Variants in AGBL4 observed in about 807,000 individuals in gnomAD.
The protein encoded by AGBL4 is cytosolic carboxypeptidase 6.
A neutral mutation model predicts 66.4 loss-of-function variants in AGBL4; 58 were observed. That is an observed-to-expected ratio of 0.87 (90% confidence interval 0.71 to 1.09). The LOEUF (loss-of-function observed/expected upper bound fraction) is 1.09, where lower values mean the gene tolerates loss of function less well. AGBL4 is among the 50% of genes least tolerant of loss of function. The pLI is 0.00. For missense variants in AGBL4, 579 were observed against 631.0 expected (o/e 0.92, Z 0.88); for synonymous variants, 234 against 222.9 (o/e 1.05, Z -0.44).
At position 49,743,202 on chromosome 1, in the gene AGBL4, A is replaced by G. The variant is rs142662256; in HGVS notation, c.158-45765T>C. On this transcript the variant is annotated intron_variant, in intron 2 of 13. Transcript: ENST00000371839. The stretch of plus-strand genomic sequence containing the variant: ...ATCTACAATTAACTCAAACACATTT[A>G]CAAGAAAAAAACAAACAACCCCAAC... Among the ~76,000 whole-genome samples the G allele has an allele frequency of 9.4e-3, 1,433 of 152,344 alleles. 17 individuals carry two copies. Among genetic ancestry groups the G allele is most frequent in the African/African-American group, 0.032 (1,341 of 41,576 alleles).
intron 6 of AGBL4, among the ~76,000 whole-genome samples, chr1:48,852,015 C>CTTTTTTTTTTTTT (rs138826187): frequency 8.3e-5 from 6 of 71,934 alleles, no homozygotes; most frequent in African/African-American, 3.0e-4. Context: ...CAGATACGTA[C>CTTTTTTTTTTTTT]TTTTTTTTTT....
chr1:49,562,899 C>A (rs1460834151), intron 3 of AGBL4, among the ~76,000 whole-genome samples: 1 of 152,064 alleles, frequency 6.6e-6, no homozygotes, highest in Non-Finnish European at 1.5e-5. Context: ...TTACCTTGGG[C>A]AGTATGGCCA....
chr1:49,085,578 G>C (rs1160019691), intron 4 of AGBL4, among the ~76,000 whole-genome samples: 3 of 151,908 alleles, frequency 2.0e-5, no homozygotes, highest in African/African-American at 7.3e-5. Context: ...AAGGGCTAGT[G>C]AACATTGACT....
intron 3 of AGBL4, among the ~76,000 whole-genome samples, chr1:49,315,428 A>C (rs897393392): frequency 2.6e-5 from 4 of 152,220 alleles, no homozygotes; most frequent in African/African-American, 9.6e-5. Context: ...TCTGCACAGC[A>C]AAACAAACTA....
rs1645799894 is a variant in AGBL4, at chr1:49,432,038, AT to A, written c.283-186175del. ...TAAAGCATGACAAAATAATGAAGGA[AT>A]TTTTTATATGACCCATTTAGGATTA... On this transcript the variant is annotated intron_variant, in intron 3 of 13. Transcript: ENST00000371839. Among the ~76,000 whole-genome samples the A allele has an allele frequency of 2.0e-5, 3 of 152,214 alleles. No homozygotes were observed. In the South Asian group the frequency reaches 6.2e-4, roughly 32 times the overall value.
chr1:49,131,401 G>A (rs555105302), intron 4 of AGBL4, among the ~76,000 whole-genome samples: 9 of 152,018 alleles, frequency 5.9e-5, no homozygotes, highest in Admixed American at 2.6e-4. Context: ...ATTACATCTC[G>A]ATAAATTGAA....
chr1:49,096,902 A>T (rs1463747672), intron 4 of AGBL4, among the ~76,000 whole-genome samples: 2 of 152,070 alleles, frequency 1.3e-5, no homozygotes, highest in African/African-American at 4.8e-5. Context: ...GAAAATGCTA[A>T]GTTGCTGGCT....
At chr1:49,515,782 G>A (rs555327893) in intron 3 of AGBL4, among the ~76,000 whole-genome samples, 54 of 150,552 alleles carry the variant, frequency 3.6e-4, no homozygotes, top group Admixed American at 8.0e-4. Context: ...GCAAACTACC[G>A]CAAGGACAAA....
chr1:48,595,623 T>A (rs1176939636), intron 9 of AGBL4, among the ~76,000 whole-genome samples: 1 of 152,234 alleles, frequency 6.6e-6, no homozygotes, highest in Non-Finnish European at 1.5e-5. Flanking sequence ...AGCCAGCAGC[T>A]CCTCTTGCAA....
intron 6 of AGBL4, among the ~76,000 whole-genome samples, chr1:48,694,072 G>T (rs541510829): frequency 6.8e-6 from 1 of 147,034 alleles, no homozygotes; most frequent in Non-Finnish European, 1.5e-5. Flanking sequence ...AAAAAAAAGC[G>T]GCAGAGCCTG....
intron 8 of AGBL4, among the ~76,000 whole-genome samples, chr1:48,636,942 A>G (rs902272198): frequency 6.6e-6 from 1 of 152,234 alleles, no homozygotes; most frequent in Non-Finnish European, 1.5e-5. Context: ...ACAGCAATTC[A>G]TCACGGTTTT....
chr1:49,408,471 T>C (rs1268925156), intron 3 of AGBL4, among the ~76,000 whole-genome samples: 1 of 152,200 alleles, frequency 6.6e-6, no homozygotes, highest in Non-Finnish European at 1.5e-5. Flanking sequence ...TGGGTGTGTC[T>C]GTAAGGGTGT....
chr1:49,066,988 G>A (rs899879861), intron 4 of AGBL4, among the ~76,000 whole-genome samples: 3 of 152,140 alleles, frequency 2.0e-5, no homozygotes, highest in South Asian at 2.1e-4. Flanking sequence ...TCTAAGTAGC[G>A]GAGATTCTGA....
At chr1:49,771,997 T>G (rs1385367813) in intron 2 of AGBL4, among the ~76,000 whole-genome samples, 2 of 152,088 alleles carry the variant, frequency 1.3e-5, no homozygotes, top group Non-Finnish European at 2.9e-5. Flanking sequence ...TAGGTAAGGA[T>G]GTACTCCTGC....
chr1:49,009,999 A>G (rs999968838), intron 5 of AGBL4, among the ~76,000 whole-genome samples: 10 of 152,238 alleles, frequency 6.6e-5, no homozygotes, highest in African/African-American at 2.2e-4. Flanking sequence ...CACCACTCCT[A>G]TTCAACATAG....
chr1:48,587,033 G>C lies in AGBL4; in HGVS notation c.1238C>G (p.Thr413Arg). The C allele has an allele frequency of 6.2e-7, 1 of 1,609,826 alleles. No individual in the cohort carries two copies. The highest frequency in any genetic ancestry group is 8.5e-7 in the Non-Finnish European group (1 of 1,178,306). ...TTCTTCAGTGTAGGGCACAGCAGCC[G>C]TGGTGCCACTGATGATGTAGCTGTA... ...SFYSYIISGT[T>R]AAVPYTEEAY... Residue 413 changes from threonine (T) to arginine (R), a missense_variant, in exon 11 of 14, where the codon ACG becomes AGG. Physicochemically the swap from Thr to Arg is moderately conservative, Grantham distance 71. Transcript: ENST00000371839.
chr1:48,576,824 A>C (rs1249127851), intron 11 of AGBL4, among the ~76,000 whole-genome samples: 1 of 152,228 alleles, frequency 6.6e-6, no homozygotes, highest in Non-Finnish European at 1.5e-5. Context: ...CAATTCTGGC[A>C]GAAGGGTAGT....
chr1:48,653,358 C>A lies in AGBL4; in HGVS notation c.818G>T (p.Gly273Val). 2 of 1,581,394 alleles carry A rather than the reference C, an allele frequency of 1.3e-6. No homozygotes were observed. The highest frequency in any genetic ancestry group is 1.7e-6 in the Non-Finnish European group (2 of 1,162,784). Residue 273 changes from glycine to valine, a missense_variant, in exon 8 of 14, where the codon GGA (glycine) becomes GTA (valine). Transcript: ENST00000371839. ...TTACCTGTAATTGCCCAGGTAGACTCCATCAGGATTGAGCATTGGTGCGAT... is the reference window on the plus strand; with the variant it reads ...TTACCTGTAATTGCCCAGGTAGACTACATCAGGATTGAGCATTGGTGCGAT... ...FKIAPMLNPD[G>V]VYLGNYRCSL...
intron 3 of AGBL4, among the ~76,000 whole-genome samples, chr1:49,270,125 GA>G (rs1311151509): frequency 6.6e-6 from 1 of 152,158 alleles, no homozygotes; most frequent in Non-Finnish European, 1.5e-5. Flanking sequence ...TAGTCTTGGG[GA>G]TAGTGACTCT....
Sources: gnomAD v4.1 joint callset for allele counts (sites outside exome capture counted in the v4.1 genomes callset) on GRCh38, gnomAD v4.1.1 for gene constraint, MANE v1.5 for transcripts, NCBI Gene and HGNC (gene_info 2026-07-23, HGNC 2026-07-21) for gene names.